Variants in OVCH1 observed in about 807,000 individuals in gnomAD.
The protein encoded by OVCH1 is ovochymase-1.
A neutral mutation model predicts 138.4 loss-of-function variants in OVCH1; 139 were observed. The ratio of observed to expected loss-of-function variants is 1.00; its 90% CI spans 0.87 to 1.16. The LOEUF (loss-of-function observed/expected upper bound fraction) is 1.16. Ranked by LOEUF, OVCH1 falls within the 50% of genes most tolerant of loss-of-function variation. The pLI is 0.00. For missense variants in OVCH1, 1,367 were observed against 1,357.9 expected (o/e 1.01, Z -0.11); for synonymous variants, 453 against 467.8 (o/e 0.97, Z 0.41).
intron 3 of OVCH1, among the ~76,000 whole-genome samples, chr12:29,421,548 A>C (rs1251691624): frequency 6.6e-6 from 1 of 152,186 alleles, no homozygotes; most frequent in East Asian, 1.9e-4. Flanking sequence ...GCATCTAATC[A>C]TGAAATTATT....
chr12:29,439,272 T>G (rs1213091624), intron 26 of OVCH1: 1 of 1,347,964 alleles, frequency 7.4e-7, no homozygotes, highest in African/African-American at 1.5e-5. Context: ...TTTATTGTTC[T>G]TTTTGTTAAG....
At chr12:29,422,733 A>C (rs1565563388), downstream of OVCH1, among the ~76,000 whole-genome samples, 1 of 152,188 alleles carries the variant, frequency 6.6e-6, no homozygotes, top group Non-Finnish European at 1.5e-5. Flanking sequence ...AAGTTAGTAC[A>C]TGTTCAGCTA....
At chr12:29,477,051 A>G in intron 12 of OVCH1, 51 bp downstream of exon 12, 1 of 1,484,610 alleles carries the variant, frequency 6.7e-7, no homozygotes. Flanking sequence ...GTTCTGCCTA[A>G]CTAACGTAAC....
chr12:29,440,999 T>C (rs12320036), intron 25 of OVCH1, among the ~76,000 whole-genome samples: 6,596 of 152,224 alleles, frequency 0.043, 446 homozygotes, highest in African/African-American at 0.14. Context: ...TGGGAATTCA[T>C]AGACCATAGT....
At chr12:29,474,744 G>C (rs1364875970) in intron 14 of OVCH1, among the ~76,000 whole-genome samples, 1 of 152,264 alleles carries the variant, frequency 6.6e-6, no homozygotes, top group East Asian at 1.9e-4. Context: ...TGGTAAAATA[G>C]AGTCAGTCAA....
At chr12:29,473,126 T>C in intron 14 of OVCH1, 23 bp from the exon 15 acceptor site, 9 of 1,512,662 alleles carry the variant, frequency 5.9e-6, no homozygotes, top group Non-Finnish European at 7.2e-6. Context: ...AAAAAATTAA[T>C]TGAAAGTAAT....
chr12:29,458,007 T>C (rs1295189550), intron 19 of OVCH1, among the ~76,000 whole-genome samples: 3 of 152,168 alleles, frequency 2.0e-5, no homozygotes, highest in Non-Finnish European at 4.4e-5. Flanking sequence ...ATATGGTCAG[T>C]TGGAAGGCTA....
chr12:29,485,244 GA>G (rs2136065121), intron 8 of OVCH1, among the ~76,000 whole-genome samples: 1 of 144,248 alleles, frequency 6.9e-6, no homozygotes, highest in African/African-American at 2.6e-5. Flanking sequence ...TGAGGCAGGA[GA>G]ATTGCTTGAA....
chr12:29,491,136 T>A (rs1592117968), exon 5 of OVCH1: 3 of 1,613,778 alleles, frequency 1.9e-6, no homozygotes, highest in Non-Finnish European at 2.5e-6. Flanking sequence ...AAGCAAAGAA[T>A]TCCTGGTTCA....
At chr12:29,496,630 G>C (rs758346789) in exon 2 of OVCH1, 2 of 1,613,712 alleles carry the variant, frequency 1.2e-6, no homozygotes, top group African/African-American at 2.7e-5. Context: ...CCCACGGCAG[G>C]TTCCTTACTT....
At chr12:29,442,156 C>CA (rs1476861415) in intron 25 of OVCH1, among the ~76,000 whole-genome samples, 1 of 151,652 alleles carries the variant, frequency 6.6e-6, no homozygotes, top group Non-Finnish European at 1.5e-5. Context: ...CATGCTGCTA[C>CA]AAAGACACAT....
rs754094610 is a variant in OVCH1 at position 29,461,937 on chromosome 12, A to G, written c.2197T>C (p.Tyr733His). The change falls in exon 19 of 28, where the codon TAC becomes CAC. Residue 733 changes from tyrosine (Y) to histidine (H), a missense_variant. By Grantham distance (83) the Tyr-to-His change is moderately conservative. Transcript: ENST00000318184. ...ATCCCTCCTGGATGGGCAGAATAGT[A>G]AGTGTGTTCACAGACCTCTCTTTCT... The G allele has an allele frequency of 1.2e-6, 2 of 1,613,886 alleles. 1 individual carries two copies. Among genetic ancestry groups the G allele is most frequent in the South Asian group, 2.2e-5 (2 of 91,084 alleles).
At chr12:29,434,648 A>G (rs998567863) in intron 26 of OVCH1, among the ~76,000 whole-genome samples, 1 of 152,148 alleles carries the variant, frequency 6.6e-6, no homozygotes, top group Non-Finnish European at 1.5e-5. Context: ...ATGACATTAT[A>G]TGTGAAAATC....
intron 27 of OVCH1, chr12:29,427,795 A>G: frequency 8.6e-7 from 1 of 1,159,754 alleles, no homozygotes; most frequent in East Asian, 2.7e-5. Context: ...TCTTTACAGA[A>G]ATTGCATGGT....
chr12:29,420,227 A>G (rs1224355060), intron 3 of OVCH1, among the ~76,000 whole-genome samples: 1 of 152,128 alleles, frequency 6.6e-6, no homozygotes, highest in Non-Finnish European at 1.5e-5. Context: ...CAAAGAAAAA[A>G]TTTTCTTTCC....
intron 3 of OVCH1, among the ~76,000 whole-genome samples, chr12:29,414,273 C>T (rs921977605): frequency 6.6e-6 from 1 of 151,880 alleles, no homozygotes; most frequent in Non-Finnish European, 1.5e-5. Flanking sequence ...TGATCCACCC[C>T]CCTCAGCCTC....
At chr12:29,433,121 T>C (rs1941298515) in intron 27 of OVCH1, among the ~76,000 whole-genome samples, 1 of 152,158 alleles carries the variant, frequency 6.6e-6, no homozygotes, top group South Asian at 2.1e-4. Context: ...ACAAGCTTCC[T>C]CTGTTATATA....
intron 19 of OVCH1, among the ~76,000 whole-genome samples, chr12:29,457,565 G>A (rs991723243): frequency 1.3e-5 from 2 of 151,376 alleles, no homozygotes; most frequent in East Asian, 1.9e-4. Context: ...CGTCAAGCCC[G>A]GCTAATTTTT....
intron 3 of OVCH1, among the ~76,000 whole-genome samples, chr12:29,420,265 C>T (rs1463111611): frequency 6.6e-6 from 1 of 152,062 alleles, no homozygotes; most frequent in Non-Finnish European, 1.5e-5. Flanking sequence ...TTTTTCAGAA[C>T]TTTCTATATT....
Sources: gnomAD v4.1 joint callset for allele counts (sites outside exome capture counted in the v4.1 genomes callset) on GRCh38, gnomAD v4.1.1 for gene constraint, MANE v1.5 for transcripts, NCBI Gene and HGNC (gene_info 2026-07-23, HGNC 2026-07-21) for gene names.